DLEC1: variants seen among roughly 807,000 people sequenced by gnomAD.
DLEC1 encodes deleted in lung and esophageal cancer protein 1.
Under a neutral mutation model 198.1 loss-of-function variants are expected in DLEC1, and 146 were observed. That is an observed-to-expected ratio of 0.74 (90% confidence interval 0.64 to 0.85). The LOEUF is 0.85. Among genes scored for constraint, DLEC1 ranks in the 40% least tolerant of loss-of-function variants. The probability of loss-of-function intolerance (pLI) is 0.00; values close to 1 mark genes in which losing one functional copy is unlikely to be tolerated. For synonymous variants in DLEC1, 897 were observed against 866.8 expected, an observed-to-expected ratio of 1.03 and a Z score of -0.61; for missense variants, 2,233 against 2,220.0, an observed-to-expected ratio of 1.01 and a Z score of -0.12.
chr3:38,045,730 C>T lies in DLEC1; in HGVS notation c.562+37C>T, dbSNP rs774992108. 5.7e-6 allele frequency: 9 copies of T among 1,568,154 alleles called. 1 individual carries two copies. In the Admixed American group the frequency reaches 7.6e-5, roughly 13 times the overall value. On this transcript the variant is annotated intron_variant, in intron 2 of 36. Coordinates refer to ENST00000308059, the MANE Select transcript of DLEC1 (RefSeq NM_007335.4). Reference sequence around the variant, plus strand: ...GAACTCCCACATGCCTGCCCAATTCCCGGGCTGTTGATATTTCACTGTGTT... The same window carrying T: ...GAACTCCCACATGCCTGCCCAATTCTCGGGCTGTTGATATTTCACTGTGTT...
At position 38,120,508 on chromosome 3, in the gene DLEC1, C is replaced by A; in HGVS notation, c.4765C>A (p.Gln1589Lys). ...LLSYQKLPAD[Q>K]TLPGVDIQQS... Reference sequence around the variant, plus strand: ...CTCCTATCAGAAGCTCCCAGCTGACCAGACACTGCCTGGGGTGGACATTCA... The same window carrying A: ...CTCCTATCAGAAGCTCCCAGCTGACAAGACACTGCCTGGGGTGGACATTCA... The change falls in exon 34 of 37, where the codon CAG (glutamine) becomes AAG (lysine). Residue 1589 changes from glutamine to lysine, a missense_variant. Physicochemically the swap from Gln to Lys is moderately conservative, Grantham distance 53. Coordinates refer to ENST00000308059, the MANE Select transcript of DLEC1 (RefSeq NM_007335.4). The A allele has an allele frequency of 3.7e-6, 6 of 1,614,222 alleles. No homozygotes were observed. The highest frequency in any genetic ancestry group is 5.1e-6 in the Non-Finnish European group (6 of 1,180,040).
chr3:38,102,741 G>A (rs1486469699), intron 19 of DLEC1, among the ~76,000 whole-genome samples: 4 of 152,192 alleles, frequency 2.6e-5, no homozygotes, highest in Non-Finnish European at 5.9e-5. Context: ...AGGGACCTTT[G>A]GGGAAAACAG....
chr3:38,055,664 G>A (rs181294645), intron 2 of DLEC1, among the ~76,000 whole-genome samples: 6 of 152,206 alleles, frequency 3.9e-5, no homozygotes, highest in African/African-American at 1.4e-4. Context: ...GAAAGGGTGT[G>A]ATTCTGAGAT....
chr3:38,068,141 A>G (rs530410954), intron 6 of DLEC1, among the ~76,000 whole-genome samples: 62 of 152,318 alleles, frequency 4.1e-4, no homozygotes, highest in African/African-American at 1.5e-3. Flanking sequence ...GTTGCACAGC[A>G]CTACATCCTC....
rs374147987 is a variant in DLEC1, at chr3:38,062,170, C to T, written c.675C>T (p.Gly225=). 3.2e-5 allele frequency: 51 copies of T among 1,614,022 alleles called. No individual in the cohort carries two copies. Among genetic ancestry groups the T allele is most frequent in the African/African-American group, 5.3e-5 (4 of 74,944 alleles). Reference sequence around the variant, plus strand: ...CAGTTTGTTTCCTTGATGCTGTAGGCATCTCCCTACCTGGATGTTCAAAAC... The same window carrying T: ...CAGTTTGTTTCCTTGATGCTGTAGGTATCTCCCTACCTGGATGTTCAAAAC... ...DTVPFHSAPK[G]ISLPGCSKLT... The change falls in exon 4 of 37, where the codon GGC becomes GGT. Residue 225 remains glycine (G), a splice_region_variant and synonymous_variant. Transcript: ENST00000308059.
At chr3:38,121,006 CA>C (rs1323186294) in intron 34 of DLEC1, among the ~76,000 whole-genome samples, 2 of 151,478 alleles carry the variant, frequency 1.3e-5, no homozygotes, top group African/African-American at 4.9e-5. Flanking sequence ...CTTCAAGCAC[CA>C]GGGCGAGCAC....
intron 2 of DLEC1, among the ~76,000 whole-genome samples, chr3:38,057,311 T>C (rs985742103): frequency 1.2e-4 from 18 of 152,142 alleles, no homozygotes; most frequent in Non-Finnish European, 1.9e-4. Context: ...GCCAACATGG[T>C]GAAACCCCGT....
rs774794193 is a variant in DLEC1 at position 38,084,187 on chromosome 3, G to T, written c.1203G>T (p.Thr401=). 15 of 1,612,916 alleles carry T rather than the reference G, an allele frequency of 9.3e-6. No homozygotes were observed. The African/African-American group carries it at 9.4e-5, about 10-fold the overall frequency. The change falls in exon 7 of 37, where the codon ACG becomes ACT. Residue 401 remains threonine (T), a synonymous_variant. Transcript: ENST00000308059. ...EMVIALQNTT[T]TSRYLRVLPP... The stretch of plus-strand genomic sequence containing the variant: ...TAATTGCGCTGCAGAACACCACCAC[G>T]ACCAGCCGCTACCTGCGAGTCCTCC...
At chr3:38,097,375 G>A in intron 16 of DLEC1, 100 bp downstream of exon 16, 1 of 1,544,722 alleles carries the variant, frequency 6.5e-7, no homozygotes, top group Admixed American at 1.9e-5. Context: ...TTGGTGTCCT[G>A]TGACTGCTCT....
At chr3:38,095,996 C>A in intron 14 of DLEC1, 50 bp downstream of exon 14, 2 of 1,605,808 alleles carry the variant, frequency 1.2e-6, no homozygotes, top group East Asian at 2.2e-5. Context: ...GGCCTTCCCC[C>A]ACCTTGGGGG....
chr3:38,090,861 A>G (rs1698710438), intron 10 of DLEC1, among the ~76,000 whole-genome samples: 1 of 151,450 alleles, frequency 6.6e-6, no homozygotes, highest in African/African-American at 2.4e-5. Context: ...TCATCCATGT[A>G]TTCATTACTC....
chr3:38,063,590 A>G (rs530170299), intron 5 of DLEC1, among the ~76,000 whole-genome samples: 1 of 152,370 alleles, frequency 6.6e-6, no homozygotes, highest in Non-Finnish European at 1.5e-5. Context: ...TTAAACATGT[A>G]GAGTTTTTCC....
intron 6 of DLEC1, among the ~76,000 whole-genome samples, chr3:38,080,188 C>T (rs542175448): frequency 2.0e-5 from 3 of 152,196 alleles, no homozygotes; most frequent in African/African-American, 7.2e-5. Flanking sequence ...GAGTAAATTG[C>T]TGGGCAGGTG....
chr3:38,093,853 C>T, intron 12 of DLEC1, 86 bp downstream of exon 12: 1 of 1,534,102 alleles, frequency 6.5e-7, no homozygotes, highest in South Asian at 1.2e-5. Flanking sequence ...GAGGTCCTTC[C>T]AAGGGCCTGG....
At chr3:38,055,428 A>T (rs1696306906) in intron 2 of DLEC1, among the ~76,000 whole-genome samples, 1 of 152,246 alleles carries the variant, frequency 6.6e-6, no homozygotes, top group African/African-American at 2.4e-5. Context: ...ACTTTATAGC[A>T]GCCACAGTGG....
chr3:38,068,223 C>CTT (rs113080358), intron 6 of DLEC1, among the ~76,000 whole-genome samples: 39 of 151,358 alleles, frequency 2.6e-4, no homozygotes, highest in African/African-American at 9.5e-4. Flanking sequence ...GACTTCATTT[C>CTT]TTTTTTTTTA....
In DLEC1 at chr3:38,116,844, G is replaced by T. The variant is rs369061348; in HGVS notation, c.4134G>T (p.Glu1378Asp). 1 of 1,613,710 alleles carries T rather than the reference G, an allele frequency of 6.2e-7. No homozygotes were observed. Among genetic ancestry groups the T allele is most frequent in the East Asian group, 2.2e-5 (1 of 44,876 alleles). Residue 1378 changes from glutamate (E) to aspartate (D), a missense_variant, in exon 29 of 37, where the codon GAG (glutamate) becomes GAT (aspartate). Glu to Asp is a conservative substitution (Grantham distance 45, BLOSUM62 2). Transcript: ENST00000308059. ...KLISVILQAHEGVPSGHLYCI... is the reference protein window; with the variant it reads ...KLISVILQAHDGVPSGHLYCI... ...TCTCAGTCATCCTGCAGGCACATGA[G>T]GGGGTGCCCTCCGGCCACCTGTACT...
intron 19 of DLEC1, 45 bp downstream of exon 19, chr3:38,100,470 T>C: frequency 6.4e-7 from 1 of 1,556,628 alleles, no homozygotes; most frequent in Non-Finnish European, 8.7e-7. Flanking sequence ...CTATGCATAT[T>C]CGTGATGTAT....
chr3:38,063,531 G>C (rs1296233502), intron 5 of DLEC1, among the ~76,000 whole-genome samples: 1 of 152,084 alleles, frequency 6.6e-6, no homozygotes, highest in East Asian at 1.9e-4. Flanking sequence ...GATTAGAAAA[G>C]ACTAATATTT....
Sources: allele counts gnomAD v4.1 joint callset (sites outside exome capture counted in the v4.1 genomes callset), GRCh38; gene constraint gnomAD v4.1.1; transcripts MANE v1.5; gene names NCBI Gene and HGNC (gene_info 2026-07-23, HGNC 2026-07-21).